The following WDFY4 variants were observed in gnomAD, a reference collection of about 807,000 sequenced individuals.
WDFY4 encodes WDFY family member 4.
In WDFY4, 169 loss-of-function variants were observed where a neutral mutation model predicts 351.9. The ratio of observed to expected loss-of-function variants is 0.48; its 90% confidence interval spans 0.42 to 0.55. WDFY4 has a LOEUF of 0.55. Ranked by LOEUF, WDFY4 falls within the 20% of genes least tolerant of loss-of-function variation. WDFY4 has a pLI of 0.00. For missense variants in WDFY4, 3,803 were observed against 3,935.6 expected, an observed-to-expected ratio of 0.97 and a Z score of 0.90; for synonymous variants, 1,622 against 1,574.6, an observed-to-expected ratio of 1.03 and a Z score of -0.71.
chr10:48,912,607 G>A (rs747195484), intron 47 of WDFY4, among the ~76,000 whole-genome samples: 7 of 152,184 alleles, frequency 4.6e-5, no homozygotes, highest in Admixed American at 6.5e-5. Context: ...AAAGGGACAC[G>A]GCCCCTGCAC....
Position 48,942,947 on chromosome 10 carries a change from A to G in WDFY4, c.7630-383A>G, listed in dbSNP as rs542703529. Among the ~76,000 whole-genome samples, 4 of 152,334 alleles carry G rather than the reference A, an allele frequency of 2.6e-5. No homozygotes were observed. In the South Asian group the frequency reaches 6.2e-4, roughly 24 times the overall value. ...GAGGGCCTCTGTCTCTGGGACTGCC[A>G]TGGCCCATCTGCTTATTTTCTAACC... On this transcript the variant is annotated intron_variant, in intron 48 of 61. Coordinates refer to ENST00000325239, the MANE Select transcript of WDFY4 (RefSeq NM_001394531.1).
intron 47 of WDFY4, chr10:48,910,917 C>A (rs1034325860): frequency 1.0e-6 from 1 of 985,232 alleles, no homozygotes; most frequent in South Asian, 4.7e-5. Flanking sequence ...CTCTTAACTT[C>A]TCTCCTTTGC....
intron 47 of WDFY4, among the ~76,000 whole-genome samples, chr10:48,919,322 C>T (rs55731350): frequency 0.23 from 34,817 of 152,052 alleles, 4,880 homozygotes; most frequent in East Asian, 0.39. Flanking sequence ...CAACTAAAAA[C>T]TACTAAATAT....
intron 29 of WDFY4, 38 bp downstream of exon 29, chr10:48,810,773 C>G (rs912514122): frequency 1.4e-6 from 2 of 1,478,606 alleles, no homozygotes; most frequent in African/African-American, 2.8e-5. Flanking sequence ...GGGGCACCAC[C>G]TAGTCCTGGG....
chr10:48,709,668 A>G (rs1456084750), intron 1 of WDFY4, 48 bp from the exon 2 acceptor site: 2 of 1,478,380 alleles, frequency 1.4e-6, no homozygotes, highest in Non-Finnish European at 9.2e-7. Flanking sequence ...CAGAATCATC[A>G]GGAAGTGATG....
chr10:48,938,930 C>T (rs1322599470), intron 47 of WDFY4, among the ~76,000 whole-genome samples: 1 of 152,152 alleles, frequency 6.6e-6, no homozygotes, highest in Non-Finnish European at 1.5e-5. Flanking sequence ...CTGTGCTAGG[C>T]CCAATAAGGC....
chr10:48,957,341 C>A (rs1841642070), intron 52 of WDFY4, 59 bp downstream of exon 52: 2 of 1,526,556 alleles, frequency 1.3e-6, no homozygotes, highest in Admixed American at 2.0e-5. Flanking sequence ...TTTCCCACAG[C>A]CCCTGGGTGA....
intron 47 of WDFY4, among the ~76,000 whole-genome samples, chr10:48,921,948 G>C (rs1839120754): frequency 6.6e-6 from 1 of 152,044 alleles, no homozygotes; most frequent in Non-Finnish European, 1.5e-5. Flanking sequence ...TATATCATCT[G>C]GCATTTTCCC....
chr10:48,814,206 G>T, intron 31 of WDFY4, 124 bp downstream of exon 31: 1 of 1,314,572 alleles, frequency 7.6e-7, no homozygotes, highest in Middle Eastern at 2.0e-4. Context: ...AGATCCTGTA[G>T]AAGAGGTGAG....
At chr10:48,949,029 T>A (rs551597938) in intron 51 of WDFY4, among the ~76,000 whole-genome samples, 3 of 152,322 alleles carry the variant, frequency 2.0e-5, no homozygotes, top group Admixed American at 1.3e-4. Context: ...GTAAAATTAG[T>A]TTGAGATGGT....
intron 13 of WDFY4, among the ~76,000 whole-genome samples, chr10:48,763,105 A>G (rs1296490017): frequency 6.6e-6 from 1 of 152,216 alleles, no homozygotes; most frequent in Non-Finnish European, 1.5e-5. Context: ...CTTGGTATTT[A>G]AGCCAGGACC....
intron 12 of WDFY4, among the ~76,000 whole-genome samples, chr10:48,759,730 T>C (rs554570822): frequency 1.3e-5 from 2 of 152,294 alleles, no homozygotes; most frequent in South Asian, 2.1e-4. Context: ...TGTCTACACC[T>C]TGTGCACAGT....
At chr10:48,939,718 A>C (rs1239830847) in intron 47 of WDFY4, among the ~76,000 whole-genome samples, 1 of 152,252 alleles carries the variant, frequency 6.6e-6, no homozygotes, top group African/African-American at 2.4e-5. Context: ...ATGATTTTAA[A>C]ACAATATTTT....
chr10:48,895,015 C>T (rs1487963131), intron 44 of WDFY4, among the ~76,000 whole-genome samples: 2 of 152,206 alleles, frequency 1.3e-5, no homozygotes, highest in African/African-American at 4.8e-5. Context: ...TGTGTTTGAT[C>T]CATCCTACCA....
At chr10:48,738,973 AC>A (rs1386062250) in intron 11 of WDFY4, among the ~76,000 whole-genome samples, 1 of 152,238 alleles carries the variant, frequency 6.6e-6, no homozygotes, top group Non-Finnish European at 1.5e-5. Flanking sequence ...ACACTGAAGA[AC>A]ATGTGACTTC....
chr10:48,803,366 TG>T lies in WDFY4; in HGVS notation c.4484+10del. On this transcript the variant is annotated splice_region_variant and intron_variant, in intron 25 of 61. Coordinates refer to ENST00000325239, the MANE Select transcript of WDFY4 (RefSeq NM_001394531.1). ...AAATCCTTCAATCACCAAGGTAGGC[TG>T]GGTCTTGGCAGCCTGGGGGTTAGAA... The T allele has an allele frequency of 6.4e-7, 1 of 1,551,882 alleles. No homozygotes were observed. The highest frequency in any genetic ancestry group is 8.7e-7 in the Non-Finnish European group (1 of 1,147,036).
intron 39 of WDFY4, among the ~76,000 whole-genome samples, chr10:48,847,915 T>C (rs907457132): frequency 1.3e-5 from 2 of 152,218 alleles, no homozygotes; most frequent in African/African-American, 4.8e-5. Context: ...TGAATTGCAC[T>C]GTGGTGGTCT....
chr10:48,974,360 C>T (rs1842457256), intron 57 of WDFY4, among the ~76,000 whole-genome samples: 1 of 151,796 alleles, frequency 6.6e-6, no homozygotes, highest in Non-Finnish European at 1.5e-5. Context: ...AAACATTCGC[C>T]AGGCATGGTG....
At chr10:48,752,920 A>G (rs1385217797) in intron 12 of WDFY4, among the ~76,000 whole-genome samples, 2 of 152,216 alleles carry the variant, frequency 1.3e-5, no homozygotes, top group South Asian at 2.1e-4. Flanking sequence ...GCTCAATTCA[A>G]TAGAATTGTA....
Sources: allele counts gnomAD v4.1 joint callset (sites outside exome capture counted in the v4.1 genomes callset), GRCh38; gene constraint gnomAD v4.1.1; transcripts MANE v1.5; gene names NCBI Gene and HGNC (gene_info 2026-07-23, HGNC 2026-07-21).